Variants in PFKP observed in about 807,000 individuals in gnomAD.
PFKP encodes the protein phosphofructokinase, platelet.
In PFKP, 101 loss-of-function variants were observed where a neutral mutation model predicts 94.3. That is an observed-to-expected ratio of 1.07 (90% CI 0.91 to 1.26). PFKP has a LOEUF of 1.26. Among genes scored for constraint, PFKP ranks in the 50% most tolerant of loss-of-function variants. The probability of loss-of-function intolerance (pLI) is 0.00; values close to 1 mark genes in which losing one functional copy is unlikely to be tolerated. For synonymous variants in PFKP, 573 were observed against 432.6 expected, an observed-to-expected ratio of 1.32 and a Z score of -4.03; for missense variants, 1,145 against 1,103.3, an observed-to-expected ratio of 1.04 and a Z score of -0.53.
chr10:3,096,510 C>A (rs529265777), intron 2 of PFKP, among the ~76,000 whole-genome samples: 1 of 152,126 alleles, frequency 6.6e-6, no homozygotes, highest in Non-Finnish European at 1.5e-5. Context: ...AGGGAGGTCC[C>A]GGTTTCTGCT....
At chr10:3,086,018 T>C (rs1053237468) in intron 2 of PFKP, among the ~76,000 whole-genome samples, 2 of 152,062 alleles carry the variant, frequency 1.3e-5, no homozygotes, top group African/African-American at 4.8e-5. Context: ...TGATCTGCCT[T>C]GGACTTTGGG....
At position 3,108,766 on chromosome 10, in the gene PFKP, GA is replaced by G; in HGVS notation, c.937del (p.Thr313ProfsTer22). ...TCCTCGGGCACGTGCAGAGAGGAGG[GA>G]CCCCTTCGGCATTCGACAGGATCTT... ...TILGHVQRGG[T>X]PSAFDRILAS... On this transcript the variant is annotated frameshift_variant, in exon 9 of 22. Transcript: ENST00000381125. LOFTEE classifies it high-confidence loss of function. 1 of 1,613,636 alleles carries G rather than the reference GA, an allele frequency of 6.2e-7. No individual in the cohort carries two copies. Among genetic ancestry groups the G allele is most frequent in the Non-Finnish European group, 8.5e-7 (1 of 1,179,592 alleles).
chr10:3,078,586 T>C (rs1832783213), intron 1 of PFKP, among the ~76,000 whole-genome samples: 1 of 152,220 alleles, frequency 6.6e-6, no homozygotes, highest in African/African-American at 2.4e-5. Flanking sequence ...GCACAGGCAT[T>C]GTAATAGAGG....
intron 16 of PFKP, among the ~76,000 whole-genome samples, chr10:3,128,683 C>G (rs1007832008): frequency 6.6e-6 from 1 of 152,258 alleles, no homozygotes; most frequent in African/African-American, 2.4e-5. Context: ...CCAGGGCCTT[C>G]AGCCTCTGCG....
chr10:3,134,704 C>T, intron 20 of PFKP, 122 bp downstream of exon 20: 1 of 637,558 alleles, frequency 1.6e-6, no homozygotes. Flanking sequence ...TACTGAGCTG[C>T]ACGTGATGTT....
chr10:3,081,659 A>T (rs1833086935), intron 1 of PFKP, among the ~76,000 whole-genome samples: 1 of 152,222 alleles, frequency 6.6e-6, no homozygotes, highest in African/African-American at 2.4e-5. Flanking sequence ...TAGTGGCTTC[A>T]GCTCCCCCAA....
At position 3,134,573 on chromosome 10, in the gene PFKP, C is replaced by A. The variant is rs202088644; in HGVS notation, c.2113C>A (p.Arg705=). 6.2e-7 allele frequency: 1 copy of A among 1,611,306 alleles called. No individual in the cohort carries two copies. Among genetic ancestry groups the A allele is most frequent in the Non-Finnish European group, 8.5e-7 (1 of 1,177,586 alleles). Residue 705 remains arginine (R), a synonymous_variant, in exon 20 of 22, where the codon CGG becomes AGG. Coordinates refer to ENST00000381125, the MANE Select transcript of PFKP (RefSeq NM_002627.5). ...GATCACTGCAAAACTCAAGGAGGCC[C>A]GGGGCAGAGGTAAGGGGTCTGGGGA... ...EWITAKLKEA[R]GRGKKFTTDD...
At chr10:3,067,752 A>ACGGACGGCG (rs1230894115) in intron 1 of PFKP, 45 bp downstream of exon 1, 3 of 1,069,122 alleles carry the variant, frequency 2.8e-6, no homozygotes, top group Non-Finnish European at 2.6e-6. Flanking sequence ...GGACGGACGG[A>ACGGACGGCG]GCTGGGGAGA....
In PFKP at chr10:3,133,361, C is replaced by T. The variant is rs772434832; in HGVS notation, c.2022+47C>T. The T allele has an allele frequency of 8.6e-6, 10 of 1,168,402 alleles. No individual in the cohort carries two copies. In the East Asian group the frequency reaches 2.1e-4, roughly 24 times the overall value. The allele number at this position is 1,168,402 out of a possible 1,614,324, so 72.4% of individuals were successfully genotyped here. On this transcript the variant is annotated intron_variant, in intron 19 of 21. Coordinates refer to ENST00000381125, the MANE Select transcript of PFKP (RefSeq NM_002627.5). ...GGGCCACAAAGCCCCTGTCATGTGA[C>T]TTTTAAAAGATTAGTGTCTTATTTT...
intron 1 of PFKP, among the ~76,000 whole-genome samples, chr10:3,069,753 C>T (rs1475837629): frequency 6.6e-6 from 1 of 152,128 alleles, no homozygotes; most frequent in Admixed American, 6.5e-5. Flanking sequence ...TAAGATACTG[C>T]ATGTATTGGA....
At chr10:3,069,462 A>T (rs1832020714) in intron 1 of PFKP, 1 of 1,399,014 alleles carries the variant, frequency 7.1e-7, no homozygotes, top group Non-Finnish European at 9.8e-7. Context: ...TCAGAAGCAG[A>T]GGGAGCACCT....
rs147721592 is a variant in PFKP at position 3,103,270 on chromosome 10, A to C, written c.455-509A>C. 5.1e-3 allele frequency among the ~76,000 whole-genome samples: 783 copies of C among 152,322 alleles called. 10 individuals are homozygous for C. Among genetic ancestry groups the C allele is most frequent in the Middle Eastern group, 0.014 (4 of 294 alleles). On this transcript the variant is annotated intron_variant, in intron 4 of 21. Coordinates refer to ENST00000381125, the MANE Select transcript of PFKP (RefSeq NM_002627.5). The stretch of plus-strand genomic sequence containing the variant: ...CTCTTGTCTAAGTGCCAGGTGACAG[A>C]GTCCATTGTGTGTAACTGCTGCCAG...
At chr10:3,115,354 G>GAAA (rs1836697065) in intron 13 of PFKP, among the ~76,000 whole-genome samples, 1 of 76,362 alleles carries the variant, frequency 1.3e-5, no homozygotes, top group African/African-American at 3.3e-5. Flanking sequence ...TGGGGATGCT[G>GAAA]GAGTGAAGGT....
At chr10:3,107,357 A>AG in intron 8 of PFKP, 48 bp downstream of exon 8, 1 of 1,155,326 alleles carries the variant, frequency 8.7e-7, no homozygotes, top group Non-Finnish European at 1.3e-6. Flanking sequence ...GCCTGGAAGC[A>AG]GGGGAGGCTA....
At chr10:3,101,800 G>A (rs1423324543) in intron 4 of PFKP, among the ~76,000 whole-genome samples, 3 of 152,170 alleles carry the variant, frequency 2.0e-5, no homozygotes, top group South Asian at 4.1e-4. Flanking sequence ...GAATCCTCAC[G>A]ACAGCCATCT....
chr10:3,135,312 A>G (rs1839116692), intron 20 of PFKP, among the ~76,000 whole-genome samples: 1 of 152,222 alleles, frequency 6.6e-6, no homozygotes. Context: ...TGATGTGAAT[A>G]GTTTCAATGG....
At chr10:3,087,146 A>G (rs1044077057) in intron 2 of PFKP, among the ~76,000 whole-genome samples, 1 of 152,024 alleles carries the variant, frequency 6.6e-6, no homozygotes, top group Non-Finnish European at 1.5e-5. Context: ...TTTGGTAGAG[A>G]CGGGGTTTCA....
chr10:3,087,364 T>C (rs938338227), intron 2 of PFKP, among the ~76,000 whole-genome samples: 2 of 152,168 alleles, frequency 1.3e-5, no homozygotes, highest in African/African-American at 2.4e-5. Context: ...TGGCCGCAGG[T>C]GCTGTCTGGA....
At chr10:3,100,010 G>A (rs1834830532) in intron 3 of PFKP, among the ~76,000 whole-genome samples, 1 of 151,648 alleles carries the variant, frequency 6.6e-6, no homozygotes, top group South Asian at 2.1e-4. Context: ...GTGTATCTGT[G>A]TGTGGGGTGT....
Sources: allele counts gnomAD v4.1 joint callset (sites outside exome capture counted in the v4.1 genomes callset), GRCh38; gene constraint gnomAD v4.1.1; transcripts MANE v1.5; gene names NCBI Gene and HGNC (gene_info 2026-07-23, HGNC 2026-07-21).